Variants in C6orf141 observed in about 807,000 individuals in gnomAD.
The protein encoded by C6orf141 is uncharacterized protein C6orf141.
For synonymous variants in C6orf141, 164 were observed against 140.5 expected (o/e 1.17, Z -1.18); for missense variants, 361 against 335.8 (o/e 1.07, Z -0.59).
Position 49,551,404 on chromosome 6 carries a change from G to C in C6orf141, c.612G>C (p.Gly204=). The change falls in exon 1 of 1, where the codon GGG becomes GGC. Residue 204 remains glycine (G), a synonymous_variant. Transcript: ENST00000529246. ...TFRSSREGQP[G]ERWGPAESRA... ...GCAGCAGTAGAGAGGGACAGCCTGG[G>C]GAACGCTGGGGCCCTGCTGAATCCC... 1 of 1,551,656 alleles carries C rather than the reference G, an allele frequency of 6.4e-7. No homozygotes were observed. Among genetic ancestry groups the C allele is most frequent in the Middle Eastern group, 1.7e-4 (1 of 5,988 alleles).
intron 4 of C6orf141, among the ~76,000 whole-genome samples, chr6:49,557,320 A>G (rs150169240): frequency 1.3e-5 from 2 of 152,302 alleles, no homozygotes; most frequent in East Asian, 3.9e-4. Flanking sequence ...GCCCTCCCCA[A>G]AATAGAACAA....
rs774938222 is a variant in C6orf141 at position 49,551,292 on chromosome 6, T to C, written c.500T>C (p.Val167Ala). ...CTTGTGCGGGTGGAGGATTATCAGG[T>C]AACACAAGAAGTGTTGCAGACCTCC... ...YVLVRVEDYQ[V>A]TQEVLQTSWA... is the part of the protein sequence containing the mutation. Residue 167 changes from valine to alanine, a missense_variant, in exon 1 of 1, where the codon GTA (valine) becomes GCA (alanine). By Grantham distance (64) the Val-to-Ala change is moderately conservative. Coordinates refer to ENST00000529246, the MANE Select transcript of C6orf141 (RefSeq NM_001145652.2). The C allele has an allele frequency of 2.6e-6, 4 of 1,551,686 alleles. No homozygotes were observed. Among genetic ancestry groups the C allele is most frequent in the Middle Eastern group, 1.7e-4 (1 of 5,992 alleles).
rs775522210 is a variant in C6orf141 at position 49,550,846 on chromosome 6, T to C, written c.54T>C (p.Asn18=). ...CCCGGGGGCCTCAGGGAGCTGCGAA[T>C]CCCATGGACTCCTCCCGCAGCCTGG... The part of the protein sequence containing the change: ...METRGPQGAA[N]PMDSSRSLGD... Residue 18 remains asparagine, a synonymous_variant, in exon 1 of 1, where the codon AAT becomes AAC. Transcript: ENST00000529246. 6.7e-7 allele frequency: 1 copy of C among 1,488,466 alleles called. No homozygotes were observed. Among genetic ancestry groups the C allele is most frequent in the South Asian group, 1.4e-5 (1 of 73,850 alleles). 92.2% of individuals were successfully genotyped at this position (1,488,466 alleles called of 1,614,324 possible). A position where few individuals can be genotyped will look rare whatever the true frequency, so the allele number is the denominator to read the frequency against.
Position 49,551,490 on chromosome 6 carries a change from C to T in C6orf141, c.698C>T (p.Pro233Leu), listed in dbSNP as rs1014472679. 3.2e-6 allele frequency: 5 copies of T among 1,551,380 alleles called. No individual in the cohort carries two copies. Among genetic ancestry groups the T allele is most frequent in the African/African-American group, 1.4e-5 (1 of 73,040 alleles). Residue 233 changes from proline (P) to leucine (L), a missense_variant, in exon 1 of 1, where the codon CCG becomes CTG. Physicochemically the swap from Pro to Leu is moderately conservative, Grantham distance 98. Transcript: ENST00000529246. ...RVHAAGRRVS[P>L]SPGTWLEEIK... ...CACGCCGCGGGGAGGAGGGTTTCAC[C>T]GTCTCCAGGGACTTGGCTCGAGGAA... is the stretch of plus-strand genomic sequence containing the variant.
intron 4 of C6orf141, among the ~76,000 whole-genome samples, chr6:49,559,519 G>A (rs1581911612): frequency 1.3e-5 from 2 of 151,892 alleles, no homozygotes; most frequent in East Asian, 1.9e-4. Flanking sequence ...CTAGGCATGG[G>A]GTATTATCTA....
At chr6:49,559,434 C>T (rs1360869174) in intron 4 of C6orf141, among the ~76,000 whole-genome samples, 1 of 151,684 alleles carries the variant, frequency 6.6e-6, no homozygotes, top group Non-Finnish European at 1.5e-5. Flanking sequence ...TAGTTTAATC[C>T]TGTTGACATC....
intron 4 of C6orf141, among the ~76,000 whole-genome samples, chr6:49,558,489 C>T (rs1772522349): frequency 6.6e-6 from 1 of 151,308 alleles, no homozygotes; most frequent in Non-Finnish European, 1.5e-5. Context: ...GCTCCAGAGG[C>T]TGTGTTTTGA....
Position 49,551,851 on chromosome 6 carries a change from G to A in C6orf141, c.*324G>A, listed in dbSNP as rs1039581061. On this transcript the variant is annotated 3_prime_UTR_variant, in exon 1 of 1. Coordinates refer to ENST00000529246, the MANE Select transcript of C6orf141 (RefSeq NM_001145652.2). ...ATAACTCTCAATTGATCTCTTTTCT[G>A]TTCCCCGCCCCCCTCTTGTTTCTCT... The A allele has an allele frequency of 1.3e-5, 15 of 1,172,154 alleles. No individual in the cohort carries two copies. In the African/African-American group the frequency reaches 2.1e-4, roughly 16 times the overall value. 72.6% of individuals were successfully genotyped at this position (1,172,154 alleles called of 1,614,324 possible). A position where few individuals can be genotyped will look rare whatever the true frequency, so the allele number is the denominator to read the frequency against.
intron 4 of C6orf141, among the ~76,000 whole-genome samples, chr6:49,558,733 A>C (rs559764434): frequency 8.5e-4 from 129 of 151,560 alleles, no homozygotes; most frequent in Non-Finnish European, 1.2e-3. Context: ...TGCGGGATGG[A>C]GTCTTGCTCT....
rs190961141 is a variant in C6orf141, at chr6:49,559,369, T to G, written c.*764-2335T>G. Among the ~76,000 whole-genome samples, 3 of 151,828 alleles carry G rather than the reference T, an allele frequency of 2.0e-5. No homozygotes were observed. The East Asian group carries it at 5.8e-4, about 29-fold the overall frequency. On this transcript the variant is annotated intron_variant and NMD_transcript_variant, in intron 4 of 4. Transcript: ENST00000371194. Reference sequence around the variant, plus strand: ...ACATTATACTTGTTTATTAGAAACATCCAGAATGCAGCCTTGCAAGTAGCT... The same window carrying G: ...ACATTATACTTGTTTATTAGAAACAGCCAGAATGCAGCCTTGCAAGTAGCT...
downstream of C6orf141, chr6:49,552,563 C>A (rs1267964066): frequency 6.6e-6 from 1 of 152,274 alleles, no homozygotes; most frequent in Non-Finnish European, 1.5e-5. Context: ...CAAGAATTAA[C>A]AAAGCAGGTA....
At chr6:49,557,617 C>T (rs1199070194) in intron 4 of C6orf141, among the ~76,000 whole-genome samples, 3 of 152,156 alleles carry the variant, frequency 2.0e-5, no homozygotes, top group South Asian at 2.1e-4. Context: ...TCTTGAGGAC[C>T]TAGGAGCCAT....
At position 49,551,680 on chromosome 6, in the gene C6orf141, G is replaced by A; in HGVS notation, c.*153G>A. ...CGGGGAGGCAGATTAAGAACTGTAAGCAGCATAATACCTCCTTTGTGGCTT... is the reference window on the plus strand; with the variant it reads ...CGGGGAGGCAGATTAAGAACTGTAAACAGCATAATACCTCCTTTGTGGCTT... On this transcript the variant is annotated 3_prime_UTR_variant, in exon 1 of 1. Coordinates refer to ENST00000529246, the MANE Select transcript of C6orf141 (RefSeq NM_001145652.2). 6.8e-7 allele frequency: 1 copy of A among 1,460,276 alleles called. No individual in the cohort carries two copies. The highest frequency in any genetic ancestry group is 9.0e-7 in the Non-Finnish European group (1 of 1,108,480). 90.5% of individuals were successfully genotyped at this position (1,460,276 alleles called of 1,614,324 possible).
In C6orf141 at chr6:49,550,791, G is replaced by A; in HGVS notation, c.-2G>A. The A allele has an allele frequency of 6.9e-7, 1 of 1,455,224 alleles. No individual in the cohort carries two copies. The allele number at this position is 1,455,224 out of a possible 1,614,324, so 90.1% of individuals were successfully genotyped here. A position where few individuals can be genotyped will look rare whatever the true frequency, so the allele number is the denominator to read the frequency against. On this transcript the variant is annotated 5_prime_UTR_variant, in exon 1 of 1. Transcript: ENST00000529246. ...TGCTTGAACCGGTCAAAGAAGGAACGAATGAATGACCCTTTTGCCAGGATG... is the reference window on the plus strand; with the variant it reads ...TGCTTGAACCGGTCAAAGAAGGAACAAATGAATGACCCTTTTGCCAGGATG...
Position 49,551,478 on chromosome 6 carries a change from G to A in C6orf141, c.686G>A (p.Arg229Lys), listed in dbSNP as rs764636797. 3.0e-5 allele frequency: 47 copies of A among 1,551,462 alleles called. 1 individual carries two copies. In the South Asian group the frequency reaches 5.2e-4, roughly 17 times the overall value. Residue 229 changes from arginine (R) to lysine (K), a missense_variant, in exon 1 of 1, where the codon AGG becomes AAG. By Grantham distance (26) the Arg-to-Lys change is conservative. Coordinates refer to ENST00000529246, the MANE Select transcript of C6orf141 (RefSeq NM_001145652.2). Reference protein sequence around the residue: ...TGASRVHAAGRRVSPSPGTWL... With the variant: ...TGASRVHAAGKRVSPSPGTWL... ...GCATCCCGCGTCCACGCCGCGGGGA[G>A]GAGGGTTTCACCGTCTCCAGGGACT...
intron 4 of C6orf141, among the ~76,000 whole-genome samples, chr6:49,558,707 T>A (rs972791350): frequency 6.6e-6 from 1 of 151,728 alleles, no homozygotes; most frequent in African/African-American, 2.4e-5. Context: ...ACTTTTCGTA[T>A]TTTTTTTGGG....
chr6:49,552,974 C>T (rs138619917), downstream of C6orf141: 1,742 of 152,296 alleles, frequency 0.011, 32 homozygotes, highest in African/African-American at 0.04. Context: ...TCTTGTTGCC[C>T]AGACTGCAGT....
chr6:49,556,720 C>T (rs1032808680), downstream of C6orf141, among the ~76,000 whole-genome samples: 2 of 152,152 alleles, frequency 1.3e-5, no homozygotes, highest in African/African-American at 4.8e-5. Context: ...AGGGCTGTGA[C>T]TCTTGAACAC....
chr6:49,550,719 C>G lies in C6orf141; in HGVS notation c.-74C>G. 7.6e-7 allele frequency: 1 copy of G among 1,310,904 alleles called. No individual in the cohort carries two copies. The highest frequency in any genetic ancestry group is 1.0e-6 in the Non-Finnish European group (1 of 985,504). The allele number at this position is 1,310,904 out of a possible 1,614,324, so 81.2% of individuals were successfully genotyped here. On this transcript the variant is annotated 5_prime_UTR_variant, in exon 1 of 1. Transcript: ENST00000529246. Reference sequence around the variant, plus strand: ...TCCGGAGCTGCAGCAGAGGCCACACCCAGGGCTTGGTGGTCCCGCGCTTTC... The same window carrying G: ...TCCGGAGCTGCAGCAGAGGCCACACGCAGGGCTTGGTGGTCCCGCGCTTTC...
Sources: gnomAD v4.1 joint callset for allele counts (sites outside exome capture counted in the v4.1 genomes callset) on GRCh38, gnomAD v4.1.1 for gene constraint, MANE v1.5 for transcripts, NCBI Gene and HGNC (gene_info 2026-07-23, HGNC 2026-07-21) for gene names.